MICAL3: variants seen among roughly 807,000 people sequenced by gnomAD.
MICAL3 encodes [F-actin]-monooxygenase MICAL3.
In MICAL3, 62 loss-of-function variants were observed where a neutral mutation model predicts 207.4. That is an observed-to-expected ratio of 0.30 (90% CI 0.24 to 0.37). The LOEUF (loss-of-function observed/expected upper bound fraction) is 0.37, where lower values mean the gene tolerates loss of function less well. Among genes scored for constraint, MICAL3 ranks in the 10% least tolerant of loss-of-function variants. The probability of loss-of-function intolerance (pLI) is 1.00; values close to 1 mark genes in which losing one functional copy is unlikely to be tolerated. For missense variants in MICAL3, 2,368 were observed against 2,635.6 expected (o/e 0.90, Z 2.22); for synonymous variants, 1,077 against 1,069.3 (o/e 1.01, Z -0.14).
intron 1 of MICAL3, among the ~76,000 whole-genome samples, chr22:17,974,519 G>A (rs7285564): frequency 0.048 from 7,352 of 152,158 alleles, 580 homozygotes; most frequent in African/African-American, 0.17. Context: ...GGAGGTTGGC[G>A]TTCCAGACCA....
intron 19 of MICAL3, among the ~76,000 whole-genome samples, chr22:17,842,705 C>T (rs1211303251): frequency 1.3e-5 from 2 of 152,248 alleles, no homozygotes; most frequent in South Asian, 2.1e-4. Context: ...ATCAGTCCTC[C>T]GTGGGCTTCT....
chr22:17,872,779 G>C lies in MICAL3; in HGVS notation c.2242-756C>G, dbSNP rs773223642. 1.9e-6 allele frequency: 3 copies of C among 1,613,626 alleles called. No individual in the cohort carries two copies. The South Asian group carries it at 3.3e-5, about 18-fold the overall frequency. On this transcript the variant is annotated intron_variant, in intron 16 of 31. Transcript: ENST00000441493. ...TTCTTGTCTAGAAGGGCTTTGGGTT[G>C]TTCTTTCCTTTGAAGCTGATTGGCT...
At chr22:18,014,986 C>CAA (rs10689117) in intron 1 of MICAL3, among the ~76,000 whole-genome samples, 36,856 of 140,232 alleles carry the variant, frequency 0.26, 5,277 homozygotes, top group East Asian at 0.39. Flanking sequence ...GACTCCATCT[C>CAA]AAAAAAAAAA....
At chr22:17,833,447 C>T (rs143849051) in intron 20 of MICAL3, among the ~76,000 whole-genome samples, 49 of 152,324 alleles carry the variant, frequency 3.2e-4, no homozygotes, top group African/African-American at 1.2e-3. Flanking sequence ...CTCTCTCTGC[C>T]CAGGCAGGCT....
chr22:17,960,926 G>A (rs1934881879), intron 1 of MICAL3, among the ~76,000 whole-genome samples: 2 of 152,172 alleles, frequency 1.3e-5, no homozygotes, highest in Non-Finnish European at 2.9e-5. Context: ...GAGGTGAGCA[G>A]GGCAACGAGA....
chr22:17,919,076 G>GTTTTT lies in MICAL3; in HGVS notation c.-74-12195_-74-12191dup, dbSNP rs35096617. Among the ~76,000 whole-genome samples, 184 of 136,520 alleles carry GTTTTT rather than the reference G, an allele frequency of 1.3e-3. 4 individuals are homozygous for GTTTTT. The highest frequency in any genetic ancestry group is 5.3e-3 in the African/African-American group (178 of 33,856). The allele number at this position is 136,520 out of a possible 152,430, so 89.6% of individuals were successfully genotyped here. On this transcript the variant is annotated intron_variant, in intron 1 of 31. Transcript: ENST00000441493. ...CTCCAAATGTTTTTGGTTTTTGTGG[G>GTTTTT]TTTTTTTTTTTTTTGAGACAGGCTC...
chr22:17,903,196 T>C (rs543918331), intron 3 of MICAL3, among the ~76,000 whole-genome samples: 3 of 152,326 alleles, frequency 2.0e-5, no homozygotes, highest in African/African-American at 7.2e-5. Context: ...GCCCATTCCC[T>C]GGTTGATCAT....
At position 17,796,807 on chromosome 22, in the gene MICAL3, G is replaced by A. The variant is rs144627082; in HGVS notation, c.5651-5506C>T. Among the ~76,000 whole-genome samples the A allele has an allele frequency of 2.6e-3, 392 of 152,254 alleles. 3 individuals are homozygous for A. The highest frequency in any genetic ancestry group is 9.0e-3 in the African/African-American group (373 of 41,530). ...AATCCAGGCCTGGCCTTCCTAAGTC[G>A]GGGTACCCCCTACACTACCACCTGG... On this transcript the variant is annotated intron_variant, in intron 29 of 31. Coordinates refer to ENST00000441493, the MANE Select transcript of MICAL3 (RefSeq NM_015241.3). This position sits in a 1 kb window ranked among gnomAD's most constrained non-coding sequence, Gnocchi z 4.4.
Position 17,886,019 on chromosome 22 carries a change from T to C in MICAL3, c.2100A>G (p.Arg700=). 6.2e-7 allele frequency: 1 copy of C among 1,614,010 alleles called. No individual in the cohort carries two copies. Among genetic ancestry groups the C allele is most frequent in the Non-Finnish European group, 8.5e-7 (1 of 1,179,894 alleles). The part of the protein sequence containing the change: ...EEAPRGHRGE[R]PTLVSTLTDR... ...CTGTCAGAGTGCTCACCAGGGTCGGTCTTTCTCCTCTGTGGCCCCGAGGAG... is the reference window on the plus strand; with the variant it reads ...CTGTCAGAGTGCTCACCAGGGTCGGCCTTTCTCCTCTGTGGCCCCGAGGAG... Residue 700 remains arginine, a synonymous_variant, in exon 16 of 32, where the codon AGA becomes AGG. Transcript: ENST00000441493.
rs139329987 is a variant in MICAL3 at position 17,848,303 on chromosome 22, G to C, written c.2606-6286C>G. Among the ~76,000 whole-genome samples the C allele has an allele frequency of 3.0e-3, 456 of 152,246 alleles. 3 individuals are homozygous for C. The highest frequency in any genetic ancestry group is 0.01 in the African/African-American group (434 of 41,530). On this transcript the variant is annotated intron_variant, in intron 19 of 31. Coordinates refer to ENST00000441493, the MANE Select transcript of MICAL3 (RefSeq NM_015241.3). ...GCGGGATCCATGCCTCCATCTGTTT[G>C]ATCCCGTTCAAGTTGGAAACAGTAC...
rs1297052505 is a variant in MICAL3, at chr22:17,877,510, TTAGG to T, written c.2242-5491_2242-5488del. 1.2e-4 allele frequency among the ~76,000 whole-genome samples: 14 copies of T among 118,820 alleles called. 1 individual carries two copies. The highest frequency in any genetic ancestry group is 4.0e-4 in the Admixed American group (5 of 12,382). The allele number at this position is 118,820 out of a possible 152,430, so 78.0% of individuals were successfully genotyped here. On this transcript the variant is annotated intron_variant, in intron 16 of 31. Coordinates refer to ENST00000441493, the MANE Select transcript of MICAL3 (RefSeq NM_015241.3). The stretch of plus-strand genomic sequence containing the variant: ...ATGGAGGTTAGGGAGGTTATGGAGG[TTAGG>T]GAGGTTAGGGAGGTGAGGGAGGTTA...
At chr22:17,803,191 T>G (rs2061957108) in intron 29 of MICAL3, among the ~76,000 whole-genome samples, 1 of 152,138 alleles carries the variant, frequency 6.6e-6, no homozygotes, top group African/African-American at 2.4e-5. Context: ...AACCACGGCC[T>G]GGAGCTTTTC....
intron 1 of MICAL3, among the ~76,000 whole-genome samples, chr22:17,953,955 A>G (rs1487765489): frequency 2.8e-5 from 4 of 143,652 alleles, no homozygotes; most frequent in African/African-American, 1.1e-4. Context: ...AAAAAAAAAA[A>G]AAAAAAAAAA....
chr22:17,810,054 A>ATT lies in MICAL3; in HGVS notation c.5556+647_5556+648dup, dbSNP rs758573402. On this transcript the variant is annotated intron_variant, in intron 28 of 31. Coordinates refer to ENST00000441493, the MANE Select transcript of MICAL3 (RefSeq NM_015241.3). ...CAGGGGCCCGCCACTATGCCTGGCT[A>ATT]TTTTTTTTTTTTTTTTTTTTTTTTT... Among the ~76,000 whole-genome samples the ATT allele has an allele frequency of 4.3e-4, 42 of 97,054 alleles. 1 individual carries two copies. Among genetic ancestry groups the ATT allele is most frequent in the African/African-American group, 1.4e-3 (29 of 20,460 alleles). 63.7% of individuals were successfully genotyped at this position (97,054 alleles called of 152,430 possible).
intron 1 of MICAL3, among the ~76,000 whole-genome samples, chr22:17,987,282 T>A (rs1921130246): frequency 6.6e-6 from 1 of 152,166 alleles, no homozygotes; most frequent in Admixed American, 6.5e-5. Flanking sequence ...TTCCACAGAC[T>A]GACAGGCAAT....
chr22:17,943,942 C>T (rs537365854), intron 1 of MICAL3, among the ~76,000 whole-genome samples: 2 of 152,182 alleles, frequency 1.3e-5, no homozygotes, highest in Admixed American at 6.5e-5. Context: ...AGGACAAAAA[C>T]CTTTCTATGG....
chr22:17,952,208 G>C lies in MICAL3; in HGVS notation c.-74-45322C>G, dbSNP rs1278554744. On this transcript the variant is annotated intron_variant, in intron 1 of 31. Transcript: ENST00000441493. ...ACTGGACTAAGTGATTCAACCCTTT[G>C]TTAGCAGCCTATCCCTAACACCTAG... Among the ~76,000 whole-genome samples, 5 of 152,304 alleles carry C rather than the reference G, an allele frequency of 3.3e-5. No individual in the cohort carries two copies. The East Asian group carries it at 7.7e-4, about 24-fold the overall frequency.
At chr22:17,930,782 G>A (rs1933210685) in intron 1 of MICAL3, among the ~76,000 whole-genome samples, 1 of 152,218 alleles carries the variant, frequency 6.6e-6, no homozygotes, top group Non-Finnish European at 1.5e-5. Flanking sequence ...AAGCTTGGAA[G>A]GTGAACTGAA....
At chr22:17,911,685 A>C (rs1338237240) in intron 1 of MICAL3, among the ~76,000 whole-genome samples, 1 of 152,076 alleles carries the variant, frequency 6.6e-6, no homozygotes, top group Non-Finnish European at 1.5e-5. Flanking sequence ...CAAAAAAATT[A>C]GCTGGGTGTG....
Sources: allele counts gnomAD v4.1 joint callset (sites outside exome capture counted in the v4.1 genomes callset), GRCh38; gene constraint gnomAD v4.1.1; non-coding constraint Gnocchi (gnomAD v3.1); transcripts MANE v1.5; gene names NCBI Gene and HGNC (gene_info 2026-07-23, HGNC 2026-07-21).